The following KALRN variants were observed in gnomAD, a reference collection of about 807,000 sequenced individuals.
The protein encoded by KALRN is kalirin RhoGEF kinase.
KALRN carries 70 observed loss-of-function variants against 353.7 expected under a neutral mutation model. That is an observed-to-expected ratio of 0.20 (90% CI 0.16 to 0.24). The LOEUF (loss-of-function observed/expected upper bound fraction) is 0.24. Among genes scored for constraint, KALRN ranks in the 10% least tolerant of loss-of-function variants. The pLI is 1.00. For synonymous variants in KALRN, 1,391 were observed against 1,434.8 expected (o/e 0.97, Z 0.69); for missense variants, 2,791 against 3,756.7 (o/e 0.74, Z 6.72).
Position 124,720,278 on chromosome 3 carries a change from TATTCTGGA to T in KALRN, c.*810_*817del, listed in dbSNP as rs2063328493. Reference sequence around the variant, plus strand: ...CGCAAATTCACTGGCAGCTCAGAATTATTCTGGAAAGAAAGCCTGCCAGGAAATAAATT... The same window carrying T: ...CGCAAATTCACTGGCAGCTCAGAATTAAGAAAGCCTGCCAGGAAATAAATT... On this transcript the variant is annotated 3_prime_UTR_variant, in exon 60 of 60. Coordinates refer to ENST00000682506, the MANE Select transcript of KALRN (RefSeq NM_001388419.1). 6.6e-6 allele frequency: 1 copy of T among 152,648 alleles called. No homozygotes were observed. The highest frequency in any genetic ancestry group is 6.5e-5 in the Admixed American group (1 of 15,282). 9.5% of individuals were successfully genotyped at this position (152,648 alleles called of 1,614,324 possible).
In KALRN at chr3:124,556,064, A is replaced by T. The variant is rs114871031; in HGVS notation, c.4936-6779A>T. ...TATGAAGAAGGGAAGGGGTTTGCTG[A>T]GTGTCATACATGGGTAAAACCTGCA... On this transcript the variant is annotated intron_variant, in intron 33 of 59. Transcript: ENST00000682506. Among the ~76,000 whole-genome samples, 412 of 152,280 alleles carry T rather than the reference A, an allele frequency of 2.7e-3. 1 individual carries two copies. Among genetic ancestry groups the T allele is most frequent in the African/African-American group, 9.6e-3 (398 of 41,548 alleles).
At chr3:124,692,977 T>G (rs2061890353) in intron 51 of KALRN, among the ~76,000 whole-genome samples, 1 of 152,212 alleles carries the variant, frequency 6.6e-6, no homozygotes. Context: ...AATGGCTAGT[T>G]GGCTAAAATG....
In KALRN at chr3:124,166,133, C is replaced by G. The variant is rs1363250249; in HGVS notation, c.74-61857C>G. Among the ~76,000 whole-genome samples, 8 of 152,138 alleles carry G rather than the reference C, an allele frequency of 5.3e-5. No individual in the cohort carries two copies. In the South Asian group the frequency reaches 1.2e-3, roughly 24 times the overall value. On this transcript the variant is annotated intron_variant, in intron 1 of 59. Transcript: ENST00000682506. Reference sequence around the variant, plus strand: ...CACCCTAGCTAGAGTAGCCTGTCCCCCACTCTACCATCCCAGCGTCACACC... The same window carrying G: ...CACCCTAGCTAGAGTAGCCTGTCCCGCACTCTACCATCCCAGCGTCACACC...
chr3:124,375,837 A>T (rs1405288552), intron 10 of KALRN, among the ~76,000 whole-genome samples: 1 of 152,222 alleles, frequency 6.6e-6, no homozygotes, highest in Non-Finnish European at 1.5e-5. Context: ...AATAATATGT[A>T]AATGAAGAGA....
Position 124,720,813 on chromosome 3 carries a change from G to A in KALRN, c.*1343G>A, listed in dbSNP as rs1283152396. ...AAAAAATTAAACCTGGGCATTTCAT[G>A]GGTTTTCTTTCTTTATTTTTGTTCA... On this transcript the variant is annotated 3_prime_UTR_variant, in exon 60 of 60. Coordinates refer to ENST00000682506, the MANE Select transcript of KALRN (RefSeq NM_001388419.1). 6.6e-6 allele frequency: 1 copy of A among 152,150 alleles called. No homozygotes were observed. Among genetic ancestry groups the A allele is most frequent in the East Asian group, 1.9e-4 (1 of 5,204 alleles). 9.4% of individuals were successfully genotyped at this position (152,150 alleles called of 1,614,324 possible).
intron 22 of KALRN, among the ~76,000 whole-genome samples, chr3:124,456,166 T>G (rs1225639364): frequency 3.9e-5 from 6 of 152,176 alleles, no homozygotes; most frequent in African/African-American, 7.2e-5. Context: ...CAAGGGAAAT[T>G]TCTTGTTTAA....
intron 7 of KALRN, among the ~76,000 whole-genome samples, chr3:124,329,052 G>A (rs2080230006): frequency 6.6e-6 from 1 of 152,206 alleles, no homozygotes. Context: ...AGGAATCACA[G>A]ACAGAACGAT....
At chr3:124,717,042 A>G (rs1449092687) in intron 58 of KALRN, among the ~76,000 whole-genome samples, 2 of 152,224 alleles carry the variant, frequency 1.3e-5, no homozygotes, top group Non-Finnish European at 2.9e-5. Context: ...CCTGCAGTAT[A>G]CCATATTTGT....
At chr3:124,115,661 C>T (rs1340414016) in intron 1 of KALRN, among the ~76,000 whole-genome samples, 3 of 152,128 alleles carry the variant, frequency 2.0e-5, no homozygotes, top group African/African-American at 7.2e-5. Context: ...CCTTCTTTTT[C>T]AGCTTCACCC....
intron 34 of KALRN, among the ~76,000 whole-genome samples, chr3:124,604,031 A>C (rs2077067714): frequency 6.6e-6 from 1 of 152,138 alleles, no homozygotes; most frequent in East Asian, 1.9e-4. Context: ...CTTGGATTCT[A>C]TCACCGAGAG....
At chr3:124,218,654 T>C in intron 1 of KALRN, among the ~76,000 whole-genome samples, 1 of 152,250 alleles carries the variant, frequency 6.6e-6, no homozygotes, top group Admixed American at 6.5e-5. Flanking sequence ...GAATCACTTC[T>C]GAAGTGGCCA....
chr3:124,564,280 T>C (rs1381544649), intron 34 of KALRN, among the ~76,000 whole-genome samples: 1 of 150,624 alleles, frequency 6.6e-6, no homozygotes, highest in Non-Finnish European at 1.5e-5. Context: ...ACTCAGGGCA[T>C]GGTGAGGCAG....
rs962564191 is a variant in KALRN at position 124,346,108 on chromosome 3, G to A, written c.1648-1035G>A. ...AGTTTTAGCAGGATCTATAACAGGT[G>A]TGTCTATACTGTAATTCTGATTTAA... On this transcript the variant is annotated intron_variant, in intron 9 of 59. Coordinates refer to ENST00000682506, the MANE Select transcript of KALRN (RefSeq NM_001388419.1). 7.2e-5 allele frequency among the ~76,000 whole-genome samples: 11 copies of A among 152,298 alleles called. 1 individual carries two copies. Among genetic ancestry groups the A allele is most frequent in the Admixed American group, 5.9e-4 (9 of 15,304 alleles).
intron 1 of KALRN, among the ~76,000 whole-genome samples, chr3:124,093,231 A>G (rs2061230901): frequency 6.6e-6 from 1 of 152,158 alleles, no homozygotes; most frequent in African/African-American, 2.4e-5. Flanking sequence ...TTGGAGGTAT[A>G]AGTTCCAAGG....
chr3:124,102,608 A>C (rs2061968455), intron 1 of KALRN, among the ~76,000 whole-genome samples: 1 of 152,230 alleles, frequency 6.6e-6, no homozygotes, highest in South Asian at 2.1e-4. Flanking sequence ...GTAAGTACTC[A>C]GTAAGTATGT....
rs10673161 is a variant in KALRN at position 124,646,391 on chromosome 3, C to CTTTTTTTTTTTTTT, written c.5665-4413_5665-4400dup. Among the ~76,000 whole-genome samples, 105 of 110,440 alleles carry CTTTTTTTTTTTTTT rather than the reference C, an allele frequency of 9.5e-4. 1 individual carries two copies. Among genetic ancestry groups the CTTTTTTTTTTTTTT allele is most frequent in the African/African-American group, 2.7e-3 (80 of 29,630 alleles). 72.5% of individuals were successfully genotyped at this position (110,440 alleles called of 152,430 possible). On this transcript the variant is annotated intron_variant, in intron 37 of 59. Coordinates refer to ENST00000682506, the MANE Select transcript of KALRN (RefSeq NM_001388419.1). ...GACTGCTAGAGGGATCTTTTGTTTA[C>CTTTTTTTTTTTTTT]TTTTTTTTTTTTTTTTTGAGACAGA...
intron 34 of KALRN, among the ~76,000 whole-genome samples, chr3:124,587,465 G>A (rs2149324689): frequency 6.6e-6 from 1 of 152,230 alleles, no homozygotes; most frequent in African/African-American, 2.4e-5. Flanking sequence ...GGAATGTTTT[G>A]GCTATTTTTG....
At chr3:124,708,497 C>T (rs1211802583) in intron 57 of KALRN, among the ~76,000 whole-genome samples, 1 of 151,998 alleles carries the variant, frequency 6.6e-6, no homozygotes, top group African/African-American at 2.4e-5. Flanking sequence ...TTTAAATTTA[C>T]AGCATGGATT....
rs2063358726 is a variant in KALRN, at chr3:124,721,775, G to A, written c.*2305G>A. The A allele has an allele frequency of 6.6e-6, 1 of 152,186 alleles. No individual in the cohort carries two copies. Among genetic ancestry groups the A allele is most frequent in the Non-Finnish European group, 1.5e-5 (1 of 68,054 alleles). The allele number at this position is 152,186 out of a possible 1,614,324, so 9.4% of individuals were successfully genotyped here. On this transcript the variant is annotated 3_prime_UTR_variant, in exon 60 of 60. Coordinates refer to ENST00000682506, the MANE Select transcript of KALRN (RefSeq NM_001388419.1). ...GTTCGAGACCAGCCTGACTAACATG[G>A]TGAAACCCTGTCTCCACTAAAAATA...
Sources: allele counts gnomAD v4.1 joint callset (sites outside exome capture counted in the v4.1 genomes callset), GRCh38; gene constraint gnomAD v4.1.1; transcripts MANE v1.5; gene names NCBI Gene and HGNC (gene_info 2026-07-23, HGNC 2026-07-21).